IFT80: variants seen among roughly 807,000 people sequenced by gnomAD.
The protein encoded by IFT80 is intraflagellar transport protein 80 homolog.
IFT80 carries 79 observed loss-of-function variants against 107.9 expected under a neutral mutation model. The ratio of observed to expected loss-of-function variants is 0.73; its 90% CI spans 0.61 to 0.88. The LOEUF (loss-of-function observed/expected upper bound fraction) is 0.88. Ranked by LOEUF, IFT80 falls within the 40% of genes least tolerant of loss-of-function variation. The probability of loss-of-function intolerance (pLI) is 0.00; values close to 1 mark genes in which losing one functional copy is unlikely to be tolerated. For synonymous variants in IFT80, 299 were observed against 300.9 expected, an observed-to-expected ratio of 0.99 and a Z score of 0.07; for missense variants, 797 against 914.2, an observed-to-expected ratio of 0.87 and a Z score of 1.65.
At chr3:160,354,095 A>G (rs940872810) in intron 8 of IFT80, among the ~76,000 whole-genome samples, 1 of 152,232 alleles carries the variant, frequency 6.6e-6, no homozygotes, top group Non-Finnish European at 1.5e-5. Context: ...AATAATATAC[A>G]TGAAACTAAA....
At position 160,257,014 on chromosome 3, in the gene IFT80, T is replaced by C. The variant is rs1444109750; in HGVS notation, c.*1511A>G. The C allele has an allele frequency of 1.3e-5, 2 of 152,214 alleles. No individual in the cohort carries two copies. Among genetic ancestry groups the C allele is most frequent in the Non-Finnish European group, 2.9e-5 (2 of 68,036 alleles). 9.4% of individuals were successfully genotyped at this position (152,214 alleles called of 1,614,324 possible). A position where few individuals can be genotyped will look rare whatever the true frequency, so the allele number is the denominator to read the frequency against. ...TTTAGAACACAGACTTTTTATTTTTTGCATTTATTGTGGTAAAATATACAT... is the reference window on the plus strand; with the variant it reads ...TTTAGAACACAGACTTTTTATTTTTCGCATTTATTGTGGTAAAATATACAT... On this transcript the variant is annotated 3_prime_UTR_variant, in exon 20 of 20. Coordinates refer to ENST00000326448, the MANE Select transcript of IFT80 (RefSeq NM_020800.3).
chr3:160,259,459 C>A (rs532596563), intron 19 of IFT80, among the ~76,000 whole-genome samples: 1 of 152,280 alleles, frequency 6.6e-6, no homozygotes, highest in Admixed American at 6.5e-5. Flanking sequence ...TCATTAGCTT[C>A]CCCTAAGCAT....
rs1224625573 is a variant in IFT80 at position 160,267,654 on chromosome 3, T to A, written c.2223+759A>T. Among the ~76,000 whole-genome samples, 5 of 152,166 alleles carry A rather than the reference T, an allele frequency of 3.3e-5. No individual in the cohort carries two copies. In the East Asian group the frequency reaches 9.6e-4, roughly 29 times the overall value. ...ATCTGGCTAAGTGGCTATAATCAGT[T>A]ATGCTCTAGGCAATGGGGCAAACTC... is the stretch of plus-strand genomic sequence containing the variant. On this transcript the variant is annotated intron_variant, in intron 19 of 19. Coordinates refer to ENST00000326448, the MANE Select transcript of IFT80 (RefSeq NM_020800.3).
intron 1 of IFT80, among the ~76,000 whole-genome samples, chr3:160,393,062 A>G (rs1009600200): frequency 2.6e-5 from 4 of 152,164 alleles, no homozygotes; most frequent in African/African-American, 4.8e-5. Flanking sequence ...ACAGAGTGAG[A>G]CCCTGTCTCT....
chr3:160,264,599 C>CT (rs567273435), intron 19 of IFT80, among the ~76,000 whole-genome samples: 279 of 125,238 alleles, frequency 2.2e-3, no homozygotes, highest in Middle Eastern at 4.1e-3. Context: ...GTCCAGCTAA[C>CT]TTTTTTTTTT....
At chr3:160,275,342 T>G (rs77624011) in intron 18 of IFT80, among the ~76,000 whole-genome samples, 3,523 of 152,272 alleles carry the variant, frequency 0.023, 57 homozygotes, top group African/African-American at 0.036. Context: ...GCAAAATGAT[T>G]ATTAATGGTC....
chr3:160,288,719 T>C (rs745988597), intron 12 of IFT80, among the ~76,000 whole-genome samples: 1 of 152,010 alleles, frequency 6.6e-6, no homozygotes, highest in Non-Finnish European at 1.5e-5. Flanking sequence ...AACAAACATA[T>C]GAACAAAATA....
intron 9 of IFT80, among the ~76,000 whole-genome samples, chr3:160,317,064 AC>A (rs1717876553): frequency 1.3e-5 from 2 of 152,256 alleles, no homozygotes; most frequent in South Asian, 4.1e-4. Context: ...TATGAAAAAA[AC>A]ATTTTCAAGA....
chr3:160,375,400 G>A (rs1020508011), intron 5 of IFT80, among the ~76,000 whole-genome samples: 10 of 151,932 alleles, frequency 6.6e-5, no homozygotes, highest in African/African-American at 2.4e-4. Context: ...ATTTGGAAAG[G>A]GTGTTAATAT....
Position 160,277,516 on chromosome 3 carries a change from C to G in IFT80, c.1927-38G>C, listed in dbSNP as rs759029988. 6 of 1,573,214 alleles carry G rather than the reference C, an allele frequency of 3.8e-6. No homozygotes were observed. The Admixed American group carries it at 1.0e-4, about 26-fold the overall frequency. The stretch of plus-strand genomic sequence containing the variant: ...AGAAAAATATTGAAGTAGATAGTAA[C>G]AGAAATATAATAAATTACGCTAAGA... On this transcript the variant is annotated intron_variant, in intron 17 of 19. Coordinates refer to ENST00000326448, the MANE Select transcript of IFT80 (RefSeq NM_020800.3).
rs762250965 is a variant in IFT80, at chr3:160,303,892, A to G, written c.1151+23T>C. 4 of 1,459,488 alleles carry G rather than the reference A, an allele frequency of 2.7e-6. No homozygotes were observed. The South Asian group carries it at 4.6e-5, about 17-fold the overall frequency. 90.4% of individuals were successfully genotyped at this position (1,459,488 alleles called of 1,614,324 possible). ...TGCTATTTATTTTAACCCCAGATCC[A>G]GTAGTTAAACATAATAAATTACCTT... On this transcript the variant is annotated intron_variant, in intron 11 of 19. Coordinates refer to ENST00000326448, the MANE Select transcript of IFT80 (RefSeq NM_020800.3).
chr3:160,319,749 C>G lies in IFT80; in HGVS notation c.957+11G>C. ...GAAGCAGGTTTAATCAACCTTGGAACATAATAATACCTGCATGGCTCTTCT... is the reference window on the plus strand; with the variant it reads ...GAAGCAGGTTTAATCAACCTTGGAAGATAATAATACCTGCATGGCTCTTCT... On this transcript the variant is annotated intron_variant, in intron 9 of 19. Transcript: ENST00000326448. 6.2e-7 allele frequency: 1 copy of G among 1,610,116 alleles called. No homozygotes were observed. The highest frequency in any genetic ancestry group is 1.1e-5 in the South Asian group (1 of 90,976).
intron 8 of IFT80, among the ~76,000 whole-genome samples, chr3:160,338,917 C>T (rs1719686186): frequency 6.6e-6 from 1 of 152,036 alleles, no homozygotes; most frequent in African/African-American, 2.4e-5. Context: ...AAGTTTATTG[C>T]TGGGATAAAC....
chr3:160,361,637 C>T (rs1180076993), intron 6 of IFT80, among the ~76,000 whole-genome samples: 4 of 152,172 alleles, frequency 2.6e-5, no homozygotes, highest in African/African-American at 9.7e-5. Flanking sequence ...TAAAGCACTC[C>T]TCAGCAAATG....
intron 12 of IFT80, among the ~76,000 whole-genome samples, chr3:160,300,042 G>T (rs1366615709): frequency 1.3e-5 from 2 of 152,070 alleles, no homozygotes; most frequent in South Asian, 2.1e-4. Context: ...ATGGCCTTCT[G>T]GCAGTTCCTT....
chr3:160,271,955 C>A (rs1194848190), intron 18 of IFT80, among the ~76,000 whole-genome samples: 2 of 149,914 alleles, frequency 1.3e-5, no homozygotes, highest in Non-Finnish European at 3.0e-5. Context: ...AAAAAAAAAA[C>A]CTAAATCTAA....
intron 10 of IFT80, among the ~76,000 whole-genome samples, chr3:160,305,599 AT>A (rs1370477436): frequency 6.6e-6 from 1 of 152,132 alleles, no homozygotes; most frequent in Non-Finnish European, 1.5e-5. Flanking sequence ...AGATATATAA[AT>A]GCCATGGAAA....
intron 1 of IFT80, among the ~76,000 whole-genome samples, chr3:160,395,447 G>T (rs1303569781): frequency 6.6e-6 from 1 of 152,174 alleles, no homozygotes; most frequent in Non-Finnish European, 1.5e-5. Flanking sequence ...CACCTAAAAA[G>T]AATTTCTCTT....
intron 9 of IFT80, among the ~76,000 whole-genome samples, chr3:160,308,842 T>C (rs78376817): frequency 0.21 from 32,084 of 152,112 alleles, 3,728 homozygotes; most frequent in Non-Finnish European, 0.26. Flanking sequence ...GTGGAGCCTT[T>C]GGAAGGTTGT....
Sources: gnomAD v4.1 joint callset for allele counts (sites outside exome capture counted in the v4.1 genomes callset) on GRCh38, gnomAD v4.1.1 for gene constraint, MANE v1.5 for transcripts, NCBI Gene and HGNC (gene_info 2026-07-23, HGNC 2026-07-21) for gene names.